NDST4: variants seen among roughly 807,000 people sequenced by gnomAD.
The protein encoded by NDST4 is N-deacetylase and N-sulfotransferase 4, also known as N-heparan sulfate sulfotransferase 4.
A neutral mutation model predicts 100.8 loss-of-function variants in NDST4; 63 were observed. That is an observed-to-expected ratio of 0.62 (90% CI 0.51 to 0.77). The LOEUF is 0.77. Ranked by LOEUF, NDST4 falls within the 30% of genes least tolerant of loss-of-function variation. The pLI is 0.00. For synonymous variants in NDST4, 377 were observed against 361.8 expected (o/e 1.04, Z -0.48); for missense variants, 943 against 1,018.4 (o/e 0.93, Z 1.01).
intron 7 of NDST4, among the ~76,000 whole-genome samples, chr4:114,864,863 C>T (rs1723991917): frequency 6.6e-6 from 1 of 152,144 alleles, no homozygotes; most frequent in Non-Finnish European, 1.5e-5. Context: ...GGTTCTGTGT[C>T]TGTCTGGGGT....
rs771216566 is a variant in NDST4, at chr4:115,076,352, T to A, written c.685A>T (p.Thr229Ser). 3.1e-6 allele frequency: 5 copies of A among 1,613,806 alleles called. No individual in the cohort carries two copies. The African/African-American group carries it at 5.3e-5, about 17-fold the overall frequency. Residue 229 changes from threonine to serine, a missense_variant, in exon 2 of 14, where the codon ACC (threonine) becomes TCC (serine). Thr to Ser is a moderately conservative substitution (Grantham distance 58). Around this residue, in one of 2 missense-constraint regions of NDST4, gnomAD observed 417 missense variants for 384.2 expected, o/e 1.09. Transcript: ENST00000264363. ...TCAGTTAAAAGTACAGGCTGGTAGG[T>A]TGAATGATTATATTGGAAAATAGTC... Reference protein sequence around the residue: ...DWTIFQYNHSTYQPVLLTELQ... With the variant: ...DWTIFQYNHSSYQPVLLTELQ...
At chr4:114,873,045 G>A (rs1331067823) in intron 6 of NDST4, among the ~76,000 whole-genome samples, 1 of 148,590 alleles carries the variant, frequency 6.7e-6, no homozygotes, top group Non-Finnish European at 1.5e-5. Flanking sequence ...TTTTAAATTG[G>A]AATGAAAAAA....
intron 2 of NDST4, among the ~76,000 whole-genome samples, chr4:115,075,289 G>C (rs1409138895): frequency 6.6e-6 from 1 of 152,188 alleles, no homozygotes; most frequent in East Asian, 1.9e-4. Context: ...ATGCTTGTTT[G>C]AGATTATAGA....
chr4:114,929,239 C>T (rs548301469), intron 6 of NDST4, among the ~76,000 whole-genome samples: 54 of 151,896 alleles, frequency 3.6e-4, no homozygotes, highest in Non-Finnish European at 6.8e-4. Context: ...CTATGCAAGC[C>T]GGGAAGTAAG....
chr4:114,892,885 C>G (rs1337534723), intron 6 of NDST4, among the ~76,000 whole-genome samples: 1 of 151,908 alleles, frequency 6.6e-6, no homozygotes, highest in Admixed American at 6.6e-5. Flanking sequence ...GACTCATTCT[C>G]TAAGTTCCTT....
rs78994865 is a variant in NDST4 at position 114,867,729 on chromosome 4, A to G, written c.1719+3039T>C. On this transcript the variant is annotated intron_variant, in intron 7 of 13. Coordinates refer to ENST00000264363, the MANE Select transcript of NDST4 (RefSeq NM_022569.3). ...TTTTACACTGTGTAGTGATTATTCT[A>G]CCAAAATAATAAAGGACATGAATTA... Among the ~76,000 whole-genome samples the G allele has an allele frequency of 0.014, 2,072 of 148,830 alleles. 97 individuals are homozygous for G. In the South Asian group the frequency reaches 0.17, roughly 12 times the overall value.
chr4:114,949,241 A>G (rs1164103268), intron 4 of NDST4, among the ~76,000 whole-genome samples: 1 of 151,934 alleles, frequency 6.6e-6, no homozygotes, highest in East Asian at 1.9e-4. Context: ...ATTTTAGGAT[A>G]TTATTCTATA....
intron 2 of NDST4, among the ~76,000 whole-genome samples, chr4:115,024,434 T>C (rs111963770): frequency 2.1e-5 from 3 of 145,884 alleles, no homozygotes; most frequent in African/African-American, 8.5e-5. Flanking sequence ...TTCAGATTTA[T>C]AACTGATTTT....
At chr4:114,988,212 T>C (rs940428950) in intron 2 of NDST4, among the ~76,000 whole-genome samples, 2 of 151,978 alleles carry the variant, frequency 1.3e-5, no homozygotes, top group African/African-American at 2.4e-5. Flanking sequence ...GAAAAACAAC[T>C]ATTAAGTTAA....
At chr4:115,050,009 A>G (rs1728550449) in intron 2 of NDST4, among the ~76,000 whole-genome samples, 2 of 152,154 alleles carry the variant, frequency 1.3e-5, no homozygotes, top group Non-Finnish European at 2.9e-5. Flanking sequence ...AACCAAAACC[A>G]GACCTTTCTG....
chr4:114,854,533 A>G (rs1401845815), intron 7 of NDST4, among the ~76,000 whole-genome samples: 1 of 152,148 alleles, frequency 6.6e-6, no homozygotes, highest in African/African-American at 2.4e-5. Context: ...CAATGGCACA[A>G]TCTCGGCTCA....
At chr4:114,838,272 G>A (rs1007344780) in intron 11 of NDST4, among the ~76,000 whole-genome samples, 10 of 152,120 alleles carry the variant, frequency 6.6e-5, no homozygotes, top group Non-Finnish European at 1.5e-4. Flanking sequence ...AATTCTTCAA[G>A]GATCTAGAGC....
intron 6 of NDST4, among the ~76,000 whole-genome samples, chr4:114,895,745 G>T (rs1297017231): frequency 6.6e-6 from 1 of 151,886 alleles, no homozygotes; most frequent in Non-Finnish European, 1.5e-5. Context: ...ATAAAATACA[G>T]GCAAACCGAA....
In NDST4 at chr4:115,088,324, T is replaced by A. The variant is rs895753358; in HGVS notation, c.-246-11042A>T. Among the ~76,000 whole-genome samples, 10 of 151,744 alleles carry A rather than the reference T, an allele frequency of 6.6e-5. No individual in the cohort carries two copies. In the East Asian group the frequency reaches 7.7e-4, roughly 12 times the overall value. On this transcript the variant is annotated intron_variant, in intron 1 of 13. Coordinates refer to ENST00000264363, the MANE Select transcript of NDST4 (RefSeq NM_022569.3). ...TGTATATCTCTTCTAAAGTTAATTTTTTTTTTTTTGCCTCCACCTATTTTC... is the reference window on the plus strand; with the variant it reads ...TGTATATCTCTTCTAAAGTTAATTTATTTTTTTTTGCCTCCACCTATTTTC...
chr4:114,929,312 A>G (rs938595496), intron 6 of NDST4, among the ~76,000 whole-genome samples: 1 of 152,084 alleles, frequency 6.6e-6, no homozygotes, highest in Admixed American at 6.6e-5. Context: ...AATCTGAGCA[A>G]TATCTACTCA....
chr4:115,049,291 A>G (rs1728532254), intron 2 of NDST4, among the ~76,000 whole-genome samples: 1 of 152,044 alleles, frequency 6.6e-6, no homozygotes. Context: ...GAGAAAGTGG[A>G]AAAAGAGACC....
Position 114,864,954 on chromosome 4 carries a change from C to T in NDST4, c.1719+5814G>A, listed in dbSNP as rs142099432. ...TCTATCTATTCTTCACCATATTATA[C>T]TCATGTTTATTTAAGTAAGTTAATA... On this transcript the variant is annotated intron_variant, in intron 7 of 13. Transcript: ENST00000264363. 5.5e-3 allele frequency among the ~76,000 whole-genome samples: 839 copies of T among 152,262 alleles called. 6 individuals carry two copies. Among genetic ancestry groups the T allele is most frequent in the Non-Finnish European group, 9.2e-3 (626 of 68,022 alleles).
chr4:114,941,629 G>A (rs979587505), intron 4 of NDST4, among the ~76,000 whole-genome samples: 4 of 152,166 alleles, frequency 2.6e-5, no homozygotes, highest in Non-Finnish European at 5.9e-5. Context: ...AAATAAGCAA[G>A]TTTTTTTCTA....
Position 115,087,321 on chromosome 4 carries a change from G to C in NDST4, c.-246-10039C>G, listed in dbSNP as rs116137224. 5.4e-3 allele frequency among the ~76,000 whole-genome samples: 823 copies of C among 152,022 alleles called. 9 individuals carry two copies. Among genetic ancestry groups the C allele is most frequent in the Non-Finnish European group, 8.5e-3 (578 of 67,900 alleles). On this transcript the variant is annotated intron_variant, in intron 1 of 13. Coordinates refer to ENST00000264363, the MANE Select transcript of NDST4 (RefSeq NM_022569.3). ...TTTTCTCTTTTATGTAAGAAGCCAA[G>C]GCATTTATCTGACATCCATTCAGCA... is the stretch of plus-strand genomic sequence containing the variant.
Sources: gnomAD v4.1 joint callset for allele counts (sites outside exome capture counted in the v4.1 genomes callset) on GRCh38, gnomAD v4.1.1 for gene constraint, gnomAD v4.1.1 regional missense constraint, MANE v1.5 for transcripts, NCBI Gene and HGNC (gene_info 2026-07-23, HGNC 2026-07-21) for gene names.